Variants in MAGI2 observed in about 807,000 individuals in gnomAD.
MAGI2 encodes the protein membrane associated guanylate kinase, WW and PDZ domain containing 2.
MAGI2 carries 35 observed loss-of-function variants against 133.3 expected under a neutral mutation model. The ratio of observed to expected loss-of-function variants is 0.26; its 90% confidence interval spans 0.20 to 0.35. The LOEUF (loss-of-function observed/expected upper bound fraction) is 0.35, where lower values mean the gene tolerates loss of function less well. MAGI2 is among the 10% of genes least tolerant of loss of function. The probability of loss-of-function intolerance (pLI) is 1.00; values close to 1 mark genes in which losing one functional copy is unlikely to be tolerated. For missense variants in MAGI2, 1,636 were observed against 1,863.4 expected, an observed-to-expected ratio of 0.88 and a Z score of 2.25; for synonymous variants, 729 against 710.6, an observed-to-expected ratio of 1.03 and a Z score of -0.41.
chr7:78,168,205 A>T, intron 14 of MAGI2, 97 bp from the exon 15 acceptor site: 1 of 1,096,388 alleles, frequency 9.1e-7, no homozygotes, highest in South Asian at 1.5e-5. Context: ...GCCCAAGCTG[A>T]AGTACAGTGG....
At chr7:78,612,522 C>T (rs1806562626) in intron 3 of MAGI2, among the ~76,000 whole-genome samples, 1 of 152,020 alleles carries the variant, frequency 6.6e-6, no homozygotes, top group South Asian at 2.1e-4. Context: ...CATTGTTTTT[C>T]CTCTGTTAAG....
chr7:78,444,045 T>TG (rs1452593414), intron 6 of MAGI2, among the ~76,000 whole-genome samples: 2 of 142,682 alleles, frequency 1.4e-5, no homozygotes, highest in Non-Finnish European at 3.1e-5. Context: ...TTTTGTGGGA[T>TG]GAAAAAAAAT....
intron 10 of MAGI2, among the ~76,000 whole-genome samples, chr7:78,243,031 C>T (rs894047691): frequency 6.6e-6 from 1 of 152,046 alleles, no homozygotes; most frequent in African/African-American, 2.4e-5. Context: ...GTGATTGTGC[C>T]ACTGCATTCC....
chr7:78,785,949 G>A (rs1783390042), intron 2 of MAGI2, among the ~76,000 whole-genome samples: 1 of 152,142 alleles, frequency 6.6e-6, no homozygotes, highest in Non-Finnish European at 1.5e-5. Flanking sequence ...ATGTGAGACA[G>A]AGGGAGACAG....
At chr7:78,568,024 C>T (rs1327614731) in intron 3 of MAGI2, 1 of 152,222 alleles carries the variant, frequency 6.6e-6, no homozygotes, top group East Asian at 1.9e-4. Context: ...GCATTTGAAA[C>T]AGCTGGTAAG....
At chr7:78,379,480 G>T (rs1585059592) in intron 6 of MAGI2, among the ~76,000 whole-genome samples, 3 of 151,904 alleles carry the variant, frequency 2.0e-5, no homozygotes. Flanking sequence ...TAACAATAAA[G>T]GTCACAATTC....
chr7:79,447,851 C>G (rs921668224), intron 1 of MAGI2, among the ~76,000 whole-genome samples: 20 of 151,880 alleles, frequency 1.3e-4, no homozygotes, highest in African/African-American at 4.1e-4. Flanking sequence ...TGATGCATTT[C>G]CTCTTTATTA....
At chr7:78,162,442 G>A (rs865844879) in intron 15 of MAGI2, among the ~76,000 whole-genome samples, 4 of 150,332 alleles carry the variant, frequency 2.7e-5, no homozygotes, top group South Asian at 2.1e-4. Context: ...GGAGAATTGC[G>A]TGAACCCGGG....
At chr7:79,360,360 G>T (rs1489481576) in intron 1 of MAGI2, among the ~76,000 whole-genome samples, 2 of 151,976 alleles carry the variant, frequency 1.3e-5, no homozygotes, top group African/African-American at 4.8e-5. Context: ...ACAAAAAAGT[G>T]GTTAAAGATT....
intron 3 of MAGI2, among the ~76,000 whole-genome samples, chr7:78,607,034 A>G (rs1805887343): frequency 6.6e-6 from 1 of 152,218 alleles, no homozygotes; most frequent in Non-Finnish European, 1.5e-5. Context: ...ACAATAGCCC[A>G]AACTCCATTG....
At chr7:78,849,265 A>C (rs182439853) in intron 2 of MAGI2, among the ~76,000 whole-genome samples, 9 of 152,168 alleles carry the variant, frequency 5.9e-5, no homozygotes, top group Admixed American at 5.2e-4. Context: ...CAATACAAGT[A>C]CTCAGGATGC....
chr7:78,865,515 A>G (rs1380304021), intron 2 of MAGI2, among the ~76,000 whole-genome samples: 2 of 152,182 alleles, frequency 1.3e-5, no homozygotes, highest in South Asian at 2.1e-4. Context: ...GTGGTTTCCA[A>G]TGTTTATAAA....
rs143427705 is a variant in MAGI2, at chr7:78,314,357, G to A, written c.1408+29421C>T. ...GATGCCTTACAGCTCTCTAAAAGAG[G>A]ATAAAACAAATTATATTATGGGATG... On this transcript the variant is annotated intron_variant, in intron 9 of 21. Coordinates refer to ENST00000354212, the MANE Select transcript of MAGI2 (RefSeq NM_012301.4). Among the ~76,000 whole-genome samples, 166 of 152,170 alleles carry A rather than the reference G, an allele frequency of 1.1e-3. 1 individual carries two copies. The highest frequency in any genetic ancestry group is 3.8e-3 in the African/African-American group (157 of 41,532).
intron 9 of MAGI2, among the ~76,000 whole-genome samples, chr7:78,292,488 C>A (rs575897364): frequency 6.6e-6 from 1 of 152,106 alleles, no homozygotes; most frequent in Non-Finnish European, 1.5e-5. Context: ...GAATCAATAT[C>A]GTGAAAATGG....
intron 9 of MAGI2, among the ~76,000 whole-genome samples, chr7:78,337,751 C>G (rs1037306044): frequency 5.9e-5 from 9 of 152,232 alleles, no homozygotes; most frequent in African/African-American, 2.2e-4. Context: ...TAAATTTCAT[C>G]CAGAAAATGA....
intron 1 of MAGI2, among the ~76,000 whole-genome samples, chr7:79,259,016 T>C (rs1466702813): frequency 6.6e-6 from 1 of 152,252 alleles, no homozygotes; most frequent in Admixed American, 6.5e-5. Context: ...CTAGTGCCTA[T>C]TGCTTCTGTC....
chr7:78,380,313 G>A (rs1180643962), intron 6 of MAGI2, among the ~76,000 whole-genome samples: 1 of 151,796 alleles, frequency 6.6e-6, no homozygotes, highest in Non-Finnish European at 1.5e-5. Context: ...GGAAGCAATA[G>A]TAAAAATAGC....
chr7:78,675,803 T>C (rs1235608305), intron 2 of MAGI2, among the ~76,000 whole-genome samples: 1 of 152,124 alleles, frequency 6.6e-6, no homozygotes, highest in Non-Finnish European at 1.5e-5. Context: ...GTTTTCCAAA[T>C]GGAAATGAAG....
chr7:78,598,701 T>C (rs1299603565), intron 3 of MAGI2, among the ~76,000 whole-genome samples: 1 of 152,196 alleles, frequency 6.6e-6, no homozygotes, highest in Non-Finnish European at 1.5e-5. Context: ...TTGCCTGTAC[T>C]AGGTAAGCTA....
Sources: gnomAD v4.1 joint callset for allele counts (sites outside exome capture counted in the v4.1 genomes callset) on GRCh38, gnomAD v4.1.1 for gene constraint, MANE v1.5 for transcripts, NCBI Gene and HGNC (gene_info 2026-07-23, HGNC 2026-07-21) for gene names.